The following DCAF6 variants were observed in gnomAD, a reference collection of about 807,000 sequenced individuals.
The protein encoded by DCAF6 is DDB1- and CUL4-associated factor 6.
In DCAF6, 54 loss-of-function variants were observed where a neutral mutation model predicts 125.1. The ratio of observed to expected loss-of-function variants is 0.43; its 90% CI spans 0.35 to 0.54. The LOEUF is 0.54. Among genes scored for constraint, DCAF6 ranks in the 20% least tolerant of loss-of-function variants. DCAF6 has a pLI of 0.01. For missense variants in DCAF6, 934 were observed against 1,161.7 expected, an observed-to-expected ratio of 0.80 and a Z score of 2.85; for synonymous variants, 371 against 390.4, an observed-to-expected ratio of 0.95 and a Z score of 0.58.
chr1:168,007,252 C>T (rs528192581), intron 10 of DCAF6, among the ~76,000 whole-genome samples: 3 of 152,276 alleles, frequency 2.0e-5, no homozygotes, highest in South Asian at 2.1e-4. Flanking sequence ...TCAAAGATTT[C>T]GCCCCTTCTC....
the DCAF6 span, chr1:167,878,440 A>G: frequency 1.2e-6 from 2 of 1,613,338 alleles, no homozygotes; most frequent in Non-Finnish European, 1.7e-6. Flanking sequence ...AATGCTCCAC[A>G]CTCACACTTT....
chr1:167,914,395 G>A, the DCAF6 span, among the ~76,000 whole-genome samples: 12 of 152,224 alleles, frequency 7.9e-5, no homozygotes, highest in Non-Finnish European at 1.0e-4. Context: ...GGCAATAGTT[G>A]GTAGGTGATC....
intron 1 of DCAF6, among the ~76,000 whole-genome samples, chr1:167,942,289 C>T (rs1672370186): frequency 6.6e-6 from 1 of 152,112 alleles, no homozygotes; most frequent in Non-Finnish European, 1.5e-5. Context: ...GTCTCGAACT[C>T]CTGACCTCAG....
rs752872727 is a variant in DCAF6, at chr1:168,004,707, C to T, written c.1292C>T (p.Pro431Leu). The change falls in exon 10 of 22, where the codon CCT (proline) becomes CTT (leucine). Residue 431 changes from proline to leucine, a missense_variant. Transcript: ENST00000367840. The part of the protein sequence containing the change: ...AHSTSSPTES[P>L]HSTPLLSSPD... ...TCGACATCATCTCCCACAGAAAGCC[C>T]TCATTCTACTCCTTTGCTATCTTCT... 5.5e-5 allele frequency: 89 copies of T among 1,613,894 alleles called. No individual in the cohort carries two copies. The highest frequency in any genetic ancestry group is 7.4e-5 in the Non-Finnish European group (87 of 1,179,926).
chr1:167,910,929 T>C, the DCAF6 span, among the ~76,000 whole-genome samples: 6 of 152,354 alleles, frequency 3.9e-5, no homozygotes, highest in South Asian at 2.1e-4. Flanking sequence ...TTTTTTAGTA[T>C]AAATATATTC....
chr1:167,935,633 TG>T, upstream of DCAF6: 1 of 915,090 alleles, frequency 1.1e-6, no homozygotes, highest in Non-Finnish European at 1.7e-6. Context: ...ATTGGGGCTG[TG>T]GATGCCTCTA....
intron 11 of DCAF6, among the ~76,000 whole-genome samples, chr1:168,022,325 G>A (rs1685765420): frequency 6.6e-6 from 1 of 152,146 alleles, no homozygotes; most frequent in Non-Finnish European, 1.5e-5. Flanking sequence ...AAAGTGTAAA[G>A]CCCAGATCAT....
At chr1:167,934,636 C>G (rs946983471), upstream of DCAF6, among the ~76,000 whole-genome samples, 12 of 152,166 alleles carry the variant, frequency 7.9e-5, no homozygotes, top group Non-Finnish European at 2.9e-5. Context: ...AGTTCAGACT[C>G]CAGAGAGCTG....
chr1:167,883,734 G>C, the DCAF6 span: 242 of 998,946 alleles, frequency 2.4e-4, 2 homozygotes, highest in African/African-American at 3.2e-3. Flanking sequence ...GTCTACCTCA[G>C]AATGGGTGAG....
chr1:167,986,270 T>C (rs143617727), intron 4 of DCAF6, among the ~76,000 whole-genome samples: 52 of 152,330 alleles, frequency 3.4e-4, no homozygotes, highest in African/African-American at 1.0e-3. Context: ...TTAATAGATA[T>C]TGATACATAG....
the DCAF6 span, chr1:167,901,965 G>A: frequency 6.2e-7 from 1 of 1,609,580 alleles, no homozygotes; most frequent in Non-Finnish European, 8.5e-7. Context: ...CAGAAGCACA[G>A]GCACCTCAGC....
At chr1:168,018,697 C>T (rs1346051578) in intron 11 of DCAF6, among the ~76,000 whole-genome samples, 1 of 152,140 alleles carries the variant, frequency 6.6e-6, no homozygotes, top group African/African-American at 2.4e-5. Flanking sequence ...AGGAAATACA[C>T]CACAACTCAT....
intron 17 of DCAF6, among the ~76,000 whole-genome samples, chr1:168,055,308 G>T (rs2101888483): frequency 3.3e-5 from 2 of 61,116 alleles, no homozygotes; most frequent in South Asian, 6.1e-4. Flanking sequence ...TTCAATCTTT[G>T]AATTGAAAAA....
intron 10 of DCAF6, among the ~76,000 whole-genome samples, chr1:168,012,139 G>A (rs919662388): frequency 6.6e-6 from 1 of 152,068 alleles, no homozygotes; most frequent in African/African-American, 2.4e-5. Context: ...AAATAAGTTG[G>A]GACTAGAAGA....
chr1:167,944,396 T>C (rs1046758984), intron 1 of DCAF6, among the ~76,000 whole-genome samples: 5 of 152,218 alleles, frequency 3.3e-5, no homozygotes, highest in African/African-American at 9.6e-5. Context: ...CTCCATACTG[T>C]TTTCCATAGA....
chr1:167,996,548 C>T (rs141550329), intron 7 of DCAF6, among the ~76,000 whole-genome samples: 42 of 152,270 alleles, frequency 2.8e-4, no homozygotes, highest in African/African-American at 9.6e-4. Flanking sequence ...AGCCCTATAG[C>T]TATACAGCAT....
At chr1:168,001,222 T>G (rs1457551070) in intron 7 of DCAF6, among the ~76,000 whole-genome samples, 1 of 151,924 alleles carries the variant, frequency 6.6e-6, no homozygotes, top group African/African-American at 2.4e-5. Context: ...AGCTCTGGAG[T>G]TGGAGCTTAC....
the DCAF6 span, among the ~76,000 whole-genome samples, chr1:167,865,077 AT>A: frequency 6.6e-6 from 1 of 152,218 alleles, no homozygotes; most frequent in South Asian, 2.1e-4. Flanking sequence ...GTTATAAAAA[AT>A]TTATGCAAAA....
At chr1:167,992,452 C>T (rs1364284517) in intron 6 of DCAF6, among the ~76,000 whole-genome samples, 1 of 152,146 alleles carries the variant, frequency 6.6e-6, no homozygotes, top group Non-Finnish European at 1.5e-5. Context: ...TATATTGCTA[C>T]ATTAAGTCAC....
Sources: gnomAD v4.1 joint callset for allele counts (sites outside exome capture counted in the v4.1 genomes callset) on GRCh38, gnomAD v4.1.1 for gene constraint, MANE v1.5 for transcripts, NCBI Gene and HGNC (gene_info 2026-07-23, HGNC 2026-07-21) for gene names.